Variants in NRF1 observed in about 807,000 individuals in gnomAD.
The protein encoded by NRF1 is nuclear respiratory factor 1.
A neutral mutation model predicts 58.5 loss-of-function variants in NRF1; 5 were observed. That is an observed-to-expected ratio of 0.09 (90% CI 0.04 to 0.18). The LOEUF (loss-of-function observed/expected upper bound fraction) is 0.18. Among genes scored for constraint, NRF1 ranks in the 10% least tolerant of loss-of-function variants. The pLI, the probability that NRF1 is intolerant of heterozygous loss-of-function variation, is 1.00. For synonymous variants in NRF1, 224 were observed against 246.7 expected (o/e 0.91, Z 0.86); for missense variants, 288 against 657.7 (o/e 0.44, Z 6.15).
intron 10 of NRF1, among the ~76,000 whole-genome samples, chr7:129,737,221 A>G (rs150813752): frequency 4.7e-4 from 72 of 152,334 alleles, no homozygotes; most frequent in African/African-American, 1.7e-3. Flanking sequence ...TGCTGTAAAA[A>G]TGGGACTAGA....
intron 1 of NRF1, among the ~76,000 whole-genome samples, chr7:129,647,434 G>A (rs1191697890): frequency 2.3e-5 from 3 of 131,096 alleles, no homozygotes; most frequent in Admixed American, 8.1e-5. Context: ...ACAGAGTCTC[G>A]CTGTGTTGCC....
At chr7:129,673,226 T>C (rs1802090408) in intron 3 of NRF1, among the ~76,000 whole-genome samples, 1 of 152,122 alleles carries the variant, frequency 6.6e-6, no homozygotes, top group East Asian at 1.9e-4. Flanking sequence ...AAGATTGGAA[T>C]AGCTTTAAGA....
At chr7:129,735,018 T>C (rs1377398488) in intron 10 of NRF1, 1 of 981,046 alleles carries the variant, frequency 1.0e-6, no homozygotes, top group Non-Finnish European at 1.2e-6. Flanking sequence ...CTGGAGCGAG[T>C]TTATTGGCTT....
At position 129,674,402 on chromosome 7, in the gene NRF1, T is replaced by TAA. The variant is rs11437601; in HGVS notation, c.338+2869_338+2870dup. On this transcript the variant is annotated intron_variant, in intron 3 of 10. Coordinates refer to ENST00000393232, the MANE Select transcript of NRF1 (RefSeq NM_005011.5). ...TTAAGTGTTGCAGTGGTATTATATC[T>TAA]AAAAAAAAAAAGCAATGTACATACC... Among the ~76,000 whole-genome samples the TAA allele has an allele frequency of 1.0e-3, 153 of 146,578 alleles. 1 individual carries two copies. The highest frequency in any genetic ancestry group is 3.3e-3 in the African/African-American group (131 of 40,298).
At chr7:129,642,752 A>C (rs62923160) in intron 1 of NRF1, among the ~76,000 whole-genome samples, 7 of 59,144 alleles carry the variant, frequency 1.2e-4, no homozygotes, top group African/African-American at 7.3e-4. Context: ...TACATTCTTT[A>C]AAAAATTTTT....
At chr7:129,704,305 C>T (rs930211974) in intron 5 of NRF1, among the ~76,000 whole-genome samples, 3 of 152,022 alleles carry the variant, frequency 2.0e-5, no homozygotes, top group Non-Finnish European at 2.9e-5. Context: ...ATTCTTCTGC[C>T]GCCTTCTGCT....
intron 1 of NRF1, among the ~76,000 whole-genome samples, chr7:129,615,203 A>G (rs1800635993): frequency 6.6e-6 from 1 of 152,256 alleles, no homozygotes; most frequent in African/African-American, 2.4e-5. Flanking sequence ...GTATACATTC[A>G]GCTTCTGTCA....
intron 1 of NRF1, among the ~76,000 whole-genome samples, chr7:129,627,421 A>G (rs1800943997): frequency 6.6e-6 from 1 of 151,944 alleles, no homozygotes; most frequent in African/African-American, 2.4e-5. Context: ...AGGTCTCACC[A>G]TCTTGCCCAG....
intron 2 of NRF1, among the ~76,000 whole-genome samples, chr7:129,670,694 G>T (rs1055505482): frequency 6.6e-6 from 1 of 152,134 alleles, no homozygotes; most frequent in Non-Finnish European, 1.5e-5. Context: ...GACTTCAATA[G>T]TTCCTTTGAG....
chr7:129,679,579 C>T (rs1802259380), intron 4 of NRF1, among the ~76,000 whole-genome samples: 1 of 146,048 alleles, frequency 6.8e-6, no homozygotes, highest in Non-Finnish European at 1.5e-5. Flanking sequence ...AAAACTTAGC[C>T]GGGCCTGGTG....
rs1054806538 is a variant in NRF1, at chr7:129,717,468, T to A, written c.1223+92T>A. 6 of 1,376,596 alleles carry A rather than the reference T, an allele frequency of 4.4e-6. No individual in the cohort carries two copies. The Admixed American group carries it at 1.1e-4, about 25-fold the overall frequency. The allele number at this position is 1,376,596 out of a possible 1,614,324, so 85.3% of individuals were successfully genotyped here. Reference sequence around the variant, plus strand: ...CCTTAAAGAGAAATGTGTCTCTGTTTGCCACAGTTGGCAGTTGGAACTTAA... The same window carrying A: ...CCTTAAAGAGAAATGTGTCTCTGTTAGCCACAGTTGGCAGTTGGAACTTAA... On this transcript the variant is annotated intron_variant, in intron 9 of 10. Coordinates refer to ENST00000393232, the MANE Select transcript of NRF1 (RefSeq NM_005011.5).
chr7:129,620,028 G>T (rs1447422969), intron 1 of NRF1, among the ~76,000 whole-genome samples: 1 of 152,032 alleles, frequency 6.6e-6, no homozygotes, highest in African/African-American at 2.4e-5. Flanking sequence ...TTTCAAGGGG[G>T]CTGTTGACAC....
intron 2 of NRF1, among the ~76,000 whole-genome samples, chr7:129,665,516 A>G (rs1038052188): frequency 3.3e-5 from 5 of 152,246 alleles, no homozygotes; most frequent in African/African-American, 1.2e-4. Context: ...AAGAAAAAAA[A>G]GTTTATTTGT....
intron 1 of NRF1, among the ~76,000 whole-genome samples, chr7:129,626,180 A>G (rs1259705134): frequency 6.6e-6 from 1 of 152,188 alleles, no homozygotes; most frequent in Admixed American, 6.5e-5. Flanking sequence ...GTGAAGATAT[A>G]AGGAAAATTC....
chr7:129,739,961 C>T (rs2402970), intron 10 of NRF1, among the ~76,000 whole-genome samples: 25,531 of 152,118 alleles, frequency 0.17, 2,418 homozygotes, highest in African/African-American at 0.27. Context: ...CACTGGGGCT[C>T]TTGATTCTAG....
intron 2 of NRF1, among the ~76,000 whole-genome samples, chr7:129,668,946 C>G (rs921719591): frequency 6.6e-6 from 1 of 152,128 alleles, no homozygotes; most frequent in Non-Finnish European, 1.5e-5. Context: ...CCCCTCCCCT[C>G]CTGTCTCCTC....
At chr7:129,659,858 T>G (rs906880397) in intron 2 of NRF1, among the ~76,000 whole-genome samples, 4 of 152,206 alleles carry the variant, frequency 2.6e-5, no homozygotes, top group African/African-American at 9.6e-5. Flanking sequence ...GTATCATCTT[T>G]CTGTGTAGTT....
At chr7:129,754,091 C>T (rs935237680) in intron 10 of NRF1, among the ~76,000 whole-genome samples, 1 of 152,166 alleles carries the variant, frequency 6.6e-6, no homozygotes, top group African/African-American at 2.4e-5. Flanking sequence ...CCTCTCACGG[C>T]AAGCTGGGAA....
At chr7:129,665,010 A>G (rs1340384979) in intron 2 of NRF1, among the ~76,000 whole-genome samples, 1 of 152,234 alleles carries the variant, frequency 6.6e-6, no homozygotes, top group Non-Finnish European at 1.5e-5. Flanking sequence ...GAATAAAATA[A>G]TGCGGGAAGG....
Sources: gnomAD v4.1 joint callset for allele counts (sites outside exome capture counted in the v4.1 genomes callset) on GRCh38, gnomAD v4.1.1 for gene constraint, MANE v1.5 for transcripts, NCBI Gene and HGNC (gene_info 2026-07-23, HGNC 2026-07-21) for gene names.